The following TUBB1 variants were observed in gnomAD, a reference collection of about 807,000 sequenced individuals.
TUBB1 encodes tubulin beta-1 chain.
Under a neutral mutation model 22.6 loss-of-function variants are expected in TUBB1, and 28 were observed. That is an observed-to-expected ratio of 1.24 (90% CI 0.92 to 1.70). The LOEUF is 1.70. Ranked by LOEUF, TUBB1 falls within the 40% of genes most tolerant of loss-of-function variation. The pLI, the probability that TUBB1 is intolerant of heterozygous loss-of-function variation, is 0.00. For synonymous variants in TUBB1, 226 were observed against 238.0 expected (o/e 0.95, Z 0.46); for missense variants, 577 against 605.5 (o/e 0.95, Z 0.49).
intron 1 of TUBB1, among the ~76,000 whole-genome samples, chr20:59,021,377 G>C (rs1055641314): frequency 1.1e-4 from 16 of 152,176 alleles, no homozygotes; most frequent in African/African-American, 3.9e-4. Flanking sequence ...TCCACTCCCT[G>C]AACAGTGCTG....
At position 59,024,435 on chromosome 20, in the gene TUBB1, G is replaced by T; in HGVS notation, c.1008G>T (p.Arg336Ser). Reference protein sequence around the residue: ...VDQQLLSVQTRNSSCFVEWIP... With the variant: ...VDQQLLSVQTSNSSCFVEWIP... The stretch of plus-strand genomic sequence containing the variant: ...AGCAACTGCTCTCCGTGCAGACCAG[G>T]AACAGCAGCTGCTTTGTGGAGTGGA... The change falls in exon 4 of 4, where the codon AGG becomes AGT. Residue 336 changes from arginine (R) to serine (S), a missense_variant. Arg to Ser is a moderately radical substitution (Grantham distance 110). Transcript: ENST00000217133. This position sits in a 1 kb window ranked among gnomAD's most constrained non-coding sequence, Gnocchi z 4.9. 4 of 1,614,234 alleles carry T rather than the reference G, an allele frequency of 2.5e-6. No homozygotes were observed. The highest frequency in any genetic ancestry group is 3.4e-6 in the Non-Finnish European group (4 of 1,180,050).
At position 59,019,454 on chromosome 20, in the gene TUBB1, G is replaced by T; in HGVS notation, c.-69G>T. 1 of 1,584,448 alleles carries T rather than the reference G, an allele frequency of 6.3e-7. No individual in the cohort carries two copies. The highest frequency in any genetic ancestry group is 1.1e-5 in the South Asian group (1 of 90,462). The stretch of plus-strand genomic sequence containing the variant: ...ACAGTTGTGTTGGGCTCACACCAGT[G>T]AACCGAAGCTCTGGATTCTGAGAGT... On this transcript the variant is annotated 5_prime_UTR_variant, in exon 1 of 4. Coordinates refer to ENST00000217133, the MANE Select transcript of TUBB1 (RefSeq NM_030773.4).
In TUBB1 at chr20:59,019,476, G is replaced by A; in HGVS notation, c.-47G>A. On this transcript the variant is annotated 5_prime_UTR_variant, in exon 1 of 4. Transcript: ENST00000217133. ...AGTGAACCGAAGCTCTGGATTCTGA[G>A]AGTCTGAGGATTCCGTGAAGATCTC... is the stretch of plus-strand genomic sequence containing the variant. The A allele has an allele frequency of 6.2e-7, 1 of 1,606,732 alleles. No homozygotes were observed. The highest frequency in any genetic ancestry group is 8.5e-7 in the Non-Finnish European group (1 of 1,173,288).
At position 59,026,191 on chromosome 20, in the gene TUBB1, C is replaced by CT. The variant is rs2091993525; in HGVS notation, c.*1410dup. 1 of 152,234 alleles carries CT rather than the reference C, an allele frequency of 6.6e-6. No homozygotes were observed. The highest frequency in any genetic ancestry group is 2.4e-5 in the African/African-American group (1 of 41,460). The allele number at this position is 152,234 out of a possible 1,614,324, so 9.4% of individuals were successfully genotyped here. ...ATTCTGAGAAACTTCACTCTTTTCA[C>CT]TTATGCATCACGAGGAAATAACTAA... On this transcript the variant is annotated 3_prime_UTR_variant, in exon 4 of 4. Coordinates refer to ENST00000217133, the MANE Select transcript of TUBB1 (RefSeq NM_030773.4).
chr20:59,026,611 T>C lies in TUBB1; in HGVS notation c.*1828T>C, dbSNP rs1214002592. ...AGTAATTCAATTTTAAATGGCAAAA[T>C]TGCTTTATTTCAGACTAAATAAATT... is the stretch of plus-strand genomic sequence containing the variant. On this transcript the variant is annotated 3_prime_UTR_variant, in exon 4 of 4. Transcript: ENST00000217133. The C allele has an allele frequency of 1.3e-5, 2 of 152,236 alleles. No individual in the cohort carries two copies. Among genetic ancestry groups the C allele is most frequent in the African/African-American group, 4.8e-5 (2 of 41,462 alleles). 9.4% of individuals were successfully genotyped at this position (152,236 alleles called of 1,614,324 possible). A position where few individuals can be genotyped will look rare whatever the true frequency, so the allele number is the denominator to read the frequency against.
intron 2 of TUBB1, 91 bp downstream of exon 2, chr20:59,023,044 G>A (rs1844945414): frequency 8.3e-7 from 1 of 1,205,060 alleles, no homozygotes; most frequent in Non-Finnish European, 1.2e-6. Context: ...AAATGTCAAA[G>A]CAGTGATGTC....
At position 59,023,794 on chromosome 20, in the gene TUBB1, G is replaced by T; in HGVS notation, c.367G>T (p.Glu123Ter). 6.2e-7 allele frequency: 1 copy of T among 1,614,208 alleles called. No homozygotes were observed. Among genetic ancestry groups the T allele is most frequent in the South Asian group, 1.1e-5 (1 of 91,086 alleles). ...GAATGTCCTAGAGGTGGTGAGGCAC[G>T]AGAGTGAGAGCTGTGACTGCCTGCA... ...IENVLEVVRH[E>*]SESCDCLQGF... The change falls in exon 4 of 4, where the codon GAG becomes TAG. Residue 123 changes from glutamate (E) to a stop codon, truncating the protein, a stop_gained. Transcript: ENST00000217133. LOFTEE classifies it high-confidence loss of function.
chr20:59,018,921 C>G (rs1440209184), upstream of TUBB1, among the ~76,000 whole-genome samples: 3 of 152,206 alleles, frequency 2.0e-5, no homozygotes, highest in Non-Finnish European at 4.4e-5. Context: ...AACTTGCATA[C>G]AGGGCGAGAG....
In TUBB1 at chr20:59,024,710, C is replaced by A. The variant is rs767794656; in HGVS notation, c.1283C>A (p.Ala428Asp). 1 of 1,614,060 alleles carries A rather than the reference C, an allele frequency of 6.2e-7. No individual in the cohort carries two copies. The highest frequency in any genetic ancestry group is 8.5e-7 in the Non-Finnish European group (1 of 1,180,018). ...TCCGAGTACCAACAATTTCAAGATG[C>A]CAAAGCAGTTCTAGAGGAAGATGAA... The part of the protein sequence containing the change: ...LVSEYQQFQD[A>D]KAVLEEDEEV... Residue 428 changes from alanine (A) to aspartate (D), a missense_variant, in exon 4 of 4, where the codon GCC becomes GAC. Ala to Asp is a moderately radical substitution (Grantham distance 126). Coordinates refer to ENST00000217133, the MANE Select transcript of TUBB1 (RefSeq NM_030773.4). The surrounding 1 kb of genome is among the most constrained non-coding windows in gnomAD (Gnocchi z 4.9).
rs1213367114 is a variant in TUBB1, at chr20:59,025,784, T to C, written c.*1001T>C. 2 of 152,240 alleles carry C rather than the reference T, an allele frequency of 1.3e-5. No homozygotes were observed. The highest frequency in any genetic ancestry group is 2.9e-5 in the Non-Finnish European group (2 of 68,042). 9.4% of individuals were successfully genotyped at this position (152,240 alleles called of 1,614,324 possible). A position where few individuals can be genotyped will look rare whatever the true frequency, so the allele number is the denominator to read the frequency against. On this transcript the variant is annotated 3_prime_UTR_variant, in exon 4 of 4. Transcript: ENST00000217133. ...GGACATCGTCTCATTAGGGAACTTT[T>C]ACAGTTCAAATTAATTTGCAGAAGT... is the stretch of plus-strand genomic sequence containing the variant.
intron 1 of TUBB1, among the ~76,000 whole-genome samples, chr20:59,021,146 C>A (rs907793363): frequency 1.3e-5 from 2 of 152,192 alleles, no homozygotes; most frequent in African/African-American, 4.8e-5. Flanking sequence ...ATAACTCACA[C>A]ACAGAGAAGT....
rs2091995578 is a variant in TUBB1, at chr20:59,026,528, T to G, written c.*1745T>G. ...GGGATTTAAACCTTTTAAAAAACTT[T>G]TGCTGACTTATATTACTGTAAAGAT... On this transcript the variant is annotated 3_prime_UTR_variant, in exon 4 of 4. Transcript: ENST00000217133. 1 of 152,246 alleles carries G rather than the reference T, an allele frequency of 6.6e-6. No individual in the cohort carries two copies. Among genetic ancestry groups the G allele is most frequent in the South Asian group, 2.1e-4 (1 of 4,836 alleles). 9.4% of individuals were successfully genotyped at this position (152,246 alleles called of 1,614,324 possible).
At chr20:59,018,493 C>T (rs1465066750), upstream of TUBB1, among the ~76,000 whole-genome samples, 8 of 151,938 alleles carry the variant, frequency 5.3e-5, no homozygotes, top group Admixed American at 1.3e-4. Flanking sequence ...CTACAACCTC[C>T]GCCTCTCAGG....
At chr20:59,023,098 G>A (rs2091976044) in intron 2 of TUBB1, 145 bp downstream of exon 2, 1 of 800,024 alleles carries the variant, frequency 1.2e-6, no homozygotes, top group Non-Finnish European at 2.1e-6. Context: ...ATCCTAGAGT[G>A]GTGGGTCCCC....
At chr20:59,020,342 G>A (rs890253973) in intron 1 of TUBB1, among the ~76,000 whole-genome samples, 2 of 152,288 alleles carry the variant, frequency 1.3e-5, no homozygotes, top group Middle Eastern at 3.4e-3. Flanking sequence ...GCGCCACCAC[G>A]TCTGGCTAAT....
chr20:59,017,788 T>G (rs2091950803), upstream of TUBB1, among the ~76,000 whole-genome samples: 1 of 152,216 alleles, frequency 6.6e-6, no homozygotes, highest in Admixed American at 6.5e-5. Flanking sequence ...GTCCTTGAGC[T>G]GCTCCAGAGC....
chr20:59,023,632 A>AG (rs749095772), intron 3 of TUBB1, 32 bp downstream of exon 3: 26 of 1,612,952 alleles, frequency 1.6e-5, no homozygotes, highest in Middle Eastern at 1.6e-4. Context: ...CACCAGGAGG[A>AG]GGGGGGGATG....
intron 2 of TUBB1, 28 bp downstream of exon 2, chr20:59,022,981 T>G (rs1169654009): frequency 6.3e-6 from 10 of 1,582,802 alleles, no homozygotes; most frequent in Non-Finnish European, 8.7e-6. Flanking sequence ...CTGGGAGCAG[T>G]GGTCCCGCAA....
chr20:59,018,606 G>A (rs1418904706), upstream of TUBB1, among the ~76,000 whole-genome samples: 3 of 152,040 alleles, frequency 2.0e-5, no homozygotes, highest in African/African-American at 4.8e-5. Flanking sequence ...ATGGGGTTTC[G>A]CCATGTTGGC....
Sources: allele counts gnomAD v4.1 joint callset (sites outside exome capture counted in the v4.1 genomes callset), GRCh38; gene constraint gnomAD v4.1.1; non-coding constraint Gnocchi (gnomAD v3.1); transcripts MANE v1.5; gene names NCBI Gene and HGNC (gene_info 2026-07-23, HGNC 2026-07-21).